The following DENND2B variants were observed in gnomAD, a reference collection of about 807,000 sequenced individuals.
DENND2B encodes the protein DENN domain containing 2B, also known as DENN domain-containing protein 2B.
A neutral mutation model predicts 116.0 loss-of-function variants in DENND2B; 32 were observed. The ratio of observed to expected loss-of-function variants is 0.28; its 90% confidence interval spans 0.21 to 0.37. The LOEUF is 0.37. Ranked by LOEUF, DENND2B falls within the 10% of genes least tolerant of loss-of-function variation. The pLI, the probability that DENND2B is intolerant of heterozygous loss-of-function variation, is 1.00. For missense variants in DENND2B, 1,276 were observed against 1,477.7 expected, an observed-to-expected ratio of 0.86 and a Z score of 2.24; for synonymous variants, 588 against 583.9, an observed-to-expected ratio of 1.01 and a Z score of -0.10.
At chr11:8,807,226 TAAGAG>T (rs1190115027) in intron 1 of DENND2B, among the ~76,000 whole-genome samples, 1 of 152,170 alleles carries the variant, frequency 6.6e-6, no homozygotes, top group African/African-American at 2.4e-5. Context: ...AGTTAACAGC[TAAGAG>T]GAGTGACAGG....
At chr11:8,716,150 T>C (rs1463244309) in intron 5 of DENND2B, among the ~76,000 whole-genome samples, 1 of 152,204 alleles carries the variant, frequency 6.6e-6, no homozygotes, top group African/African-American at 2.4e-5. Flanking sequence ...CAAGAATTAC[T>C]GGGCCTGGGT....
chr11:8,718,228 A>C, intron 4 of DENND2B: 2 of 909,752 alleles, frequency 2.2e-6, no homozygotes, highest in Non-Finnish European at 3.5e-6. Context: ...GCCAGCAACA[A>C]GAGTCTTTCC....
chr11:8,910,932 GCCCCCGA>G (rs560895910), exon 1 of DENND2B: 10 of 60,522 alleles, frequency 1.7e-4, no homozygotes, highest in African/African-American at 3.2e-4. Flanking sequence ...TCAGCCCCCA[GCCCCCGA>G]CCCCCGACCC....
chr11:8,781,072 T>C (rs1390940084), intron 1 of DENND2B, among the ~76,000 whole-genome samples: 4 of 151,938 alleles, frequency 2.6e-5, no homozygotes, highest in Non-Finnish European at 5.9e-5. Context: ...CTGCTCCAAG[T>C]GATAAAGCCA....
chr11:8,859,100 C>T (rs974158750), intron 2 of DENND2B, among the ~76,000 whole-genome samples: 4 of 152,188 alleles, frequency 2.6e-5, no homozygotes, highest in Admixed American at 2.0e-4. Context: ...GCCTGCACGT[C>T]CTAAACCTTG....
chr11:8,734,321 G>GTT (rs567454704), intron 2 of DENND2B, among the ~76,000 whole-genome samples: 31 of 146,016 alleles, frequency 2.1e-4, no homozygotes, highest in African/African-American at 7.2e-4. Context: ...CATTAGTACT[G>GTT]TTTTTTTTTT....
intron 1 of DENND2B, among the ~76,000 whole-genome samples, chr11:8,907,965 C>T (rs2064260477): frequency 6.6e-6 from 1 of 152,152 alleles, no homozygotes; most frequent in Non-Finnish European, 1.5e-5. Context: ...ACCTCCTGAA[C>T]TTCTGGGATT....
At chr11:8,828,601 G>A (rs1363575812) in intron 4 of DENND2B, among the ~76,000 whole-genome samples, 1 of 152,000 alleles carries the variant, frequency 6.6e-6, no homozygotes, top group African/African-American at 2.4e-5. Context: ...GGTGAGAATG[G>A]GGACAAGCAG....
At chr11:8,764,403 T>C (rs1358250407) in intron 1 of DENND2B, among the ~76,000 whole-genome samples, 1 of 152,172 alleles carries the variant, frequency 6.6e-6, no homozygotes, top group East Asian at 1.9e-4. Context: ...GTTCTATGCA[T>C]GTATTTATAT....
chr11:8,730,014 G>C lies in DENND2B; in HGVS notation c.1276C>G (p.Pro426Ala), dbSNP rs1331247050. 6.2e-7 allele frequency: 1 copy of C among 1,614,218 alleles called. No homozygotes were observed. The highest frequency in any genetic ancestry group is 1.3e-5 in the African/African-American group (1 of 75,056). ...GGTCTCCGGGTGACTGGCGGGGCTGGGGTGGAGGGCAAGGGAGGTGGAGCA... is the reference window on the plus strand; with the variant it reads ...GGTCTCCGGGTGACTGGCGGGGCTGCGGTGGAGGGCAAGGGAGGTGGAGCA... ...PAAPPPLPST[P>A]APPVTRRPKK... Residue 426 changes from proline to alanine, a missense_variant, in exon 3 of 20, where the codon CCA becomes GCA. Physicochemically the swap from Pro to Ala is conservative, Grantham distance 27. Transcript: ENST00000313726. This position sits in a 1 kb window ranked among gnomAD's most constrained non-coding sequence, Gnocchi z 4.1.
chr11:8,839,287 A>C (rs2062542608), intron 4 of DENND2B: 1 of 152,340 alleles, frequency 6.6e-6, no homozygotes, highest in South Asian at 2.1e-4. Flanking sequence ...CACTGATTTA[A>C]AAAACAAAAG....
In DENND2B at chr11:8,723,961, T is replaced by G. The variant is rs563414953; in HGVS notation, c.1477+2112A>C. Among the ~76,000 whole-genome samples the G allele has an allele frequency of 8.1e-3, 1,229 of 152,312 alleles. 22 individuals carry two copies. The highest frequency in any genetic ancestry group is 0.028 in the African/African-American group (1,158 of 41,566). ...CCAGCAAGTGGTAAGGAAACGGCTGTGAAACCAATGGCTCAGATCAAATGA... is the reference window on the plus strand; with the variant it reads ...CCAGCAAGTGGTAAGGAAACGGCTGGGAAACCAATGGCTCAGATCAAATGA... On this transcript the variant is annotated intron_variant, in intron 4 of 19. Transcript: ENST00000313726.
chr11:8,729,863 G>A (rs2047795927), intron 3 of DENND2B, 87 bp downstream of exon 3: 2 of 1,518,932 alleles, frequency 1.3e-6, no homozygotes, highest in South Asian at 1.3e-5. Context: ...TAATGACTGC[G>A]ACCCATCCTA....
At chr11:8,877,979 G>A (rs896584436) in intron 2 of DENND2B, among the ~76,000 whole-genome samples, 2 of 152,190 alleles carry the variant, frequency 1.3e-5, no homozygotes, top group Non-Finnish European at 2.9e-5. Context: ...AGGAAATATG[G>A]GAATTTGCAG....
chr11:8,738,094 G>A (rs1438234841), intron 2 of DENND2B, among the ~76,000 whole-genome samples: 2 of 152,174 alleles, frequency 1.3e-5, no homozygotes, highest in African/African-American at 4.8e-5. Context: ...AAGGTTGTCA[G>A]TGCAGATACA....
At chr11:8,833,476 C>A (rs560843842) in intron 4 of DENND2B, among the ~76,000 whole-genome samples, 1 of 152,078 alleles carries the variant, frequency 6.6e-6, no homozygotes, top group Admixed American at 6.6e-5. Context: ...TTCTCATATA[C>A]GACCTGGACT....
At chr11:8,782,292 A>G (rs1319435711) in intron 1 of DENND2B, among the ~76,000 whole-genome samples, 1 of 152,262 alleles carries the variant, frequency 6.6e-6, no homozygotes, top group Non-Finnish European at 1.5e-5. Context: ...AACATTTTAA[A>G]ACACAATACT....
intron 4 of DENND2B, among the ~76,000 whole-genome samples, chr11:8,830,402 G>A (rs2062158024): frequency 6.6e-6 from 1 of 152,148 alleles, no homozygotes; most frequent in East Asian, 1.9e-4. Context: ...TCCATGGTTC[G>A]TAAACCAACA....
intron 1 of DENND2B, chr11:8,787,415 A>C (rs1233110197): frequency 6.6e-6 from 1 of 151,934 alleles, no homozygotes; most frequent in East Asian, 1.9e-4. Context: ...GGGCCAAGCG[A>C]TCCTCCCGCC....
Sources: gnomAD v4.1 joint callset for allele counts (sites outside exome capture counted in the v4.1 genomes callset) on GRCh38, gnomAD v4.1.1 for gene constraint, Gnocchi (gnomAD v3.1) non-coding constraint, MANE v1.5 for transcripts, NCBI Gene and HGNC (gene_info 2026-07-23, HGNC 2026-07-21) for gene names.